FAM184A: variants seen among roughly 807,000 people sequenced by gnomAD.
FAM184A encodes the protein protein FAM184A.
In FAM184A, 99 loss-of-function variants were observed where a neutral mutation model predicts 143.8. The observed-to-expected ratio is 0.69, with a 90% CI of 0.58 to 0.81. The LOEUF (loss-of-function observed/expected upper bound fraction) is 0.81. Ranked by LOEUF, FAM184A falls within the 40% of genes least tolerant of loss-of-function variation. The pLI, the probability that FAM184A is intolerant of heterozygous loss-of-function variation, is 0.00. For missense variants in FAM184A, 1,217 were observed against 1,310.5 expected (o/e 0.93, Z 1.10); for synonymous variants, 427 against 446.4 (o/e 0.96, Z 0.55).
At chr6:119,008,288 C>G (rs1784986818) in intron 6 of FAM184A, among the ~76,000 whole-genome samples, 1 of 152,150 alleles carries the variant, frequency 6.6e-6, no homozygotes, top group South Asian at 2.1e-4. Flanking sequence ...GAAACGTAAA[C>G]CAATAAGGTC....
chr6:119,057,813 T>G (rs1787048215), intron 1 of FAM184A: 1 of 149,052 alleles, frequency 6.7e-6, no homozygotes, highest in African/African-American at 2.5e-5. Flanking sequence ...TAATGACGCA[T>G]ATCACATTAC....
At position 118,994,540 on chromosome 6, in the gene FAM184A, G is replaced by T. The variant is rs150041958; in HGVS notation, c.2088+8359C>A. ...TCTCTACTAAAAATACAAAAAATCA[G>T]CTGGGCATGGTTGCGCGCACCTGTA... On this transcript the variant is annotated intron_variant, in intron 9 of 17. Coordinates refer to ENST00000338891, the MANE Select transcript of FAM184A (RefSeq NM_024581.6). 3.7e-3 allele frequency among the ~76,000 whole-genome samples: 558 copies of T among 151,884 alleles called. 4 individuals are homozygous for T. Among genetic ancestry groups the T allele is most frequent in the African/African-American group, 0.013 (526 of 41,408 alleles).
intron 1 of FAM184A, among the ~76,000 whole-genome samples, chr6:119,059,687 T>A (rs536414948): frequency 6.6e-6 from 1 of 152,330 alleles, no homozygotes; most frequent in African/African-American, 2.4e-5. Context: ...AGCAAAATGC[T>A]GTGCACCCAA....
intron 6 of FAM184A, among the ~76,000 whole-genome samples, chr6:119,008,972 T>A (rs898525108): frequency 1.3e-5 from 2 of 152,204 alleles, no homozygotes; most frequent in Non-Finnish European, 2.9e-5. Flanking sequence ...TTCTTGGTCT[T>A]TATATACTAA....
intron 5 of FAM184A, among the ~76,000 whole-genome samples, chr6:119,015,747 A>G (rs1582507028): frequency 6.6e-6 from 1 of 152,386 alleles, no homozygotes; most frequent in East Asian, 1.9e-4. Flanking sequence ...CTCCACCTGC[A>G]GCCCCGGTGC....
At position 119,136,141 on chromosome 6, in the gene FAM184A, G is replaced by A. The variant is rs1191840757; in HGVS notation, c.-202+12937C>T. On this transcript the variant is annotated intron_variant, in intron 1 of 16. Coordinates refer to the FAM184A transcript ENST00000352896. ...AAAATACAAAAAATTAGCCGGGCGC[G>A]GTGGCGGGCGCCTGTAGTCCCAGCT... Among the ~76,000 whole-genome samples the A allele has an allele frequency of 4.0e-5, 6 of 149,840 alleles. No homozygotes were observed. In the East Asian group the frequency reaches 7.7e-4, roughly 19 times the overall value.
chr6:119,103,752 C>T (rs1003244150), intron 1 of FAM184A, among the ~76,000 whole-genome samples: 1 of 151,858 alleles, frequency 6.6e-6, no homozygotes, highest in African/African-American at 2.4e-5. Context: ...CATGGTGAAA[C>T]CCCATCTCTA....
At chr6:119,140,983 C>T (rs994823721) in intron 1 of FAM184A, among the ~76,000 whole-genome samples, 3 of 152,162 alleles carry the variant, frequency 2.0e-5, no homozygotes, top group Admixed American at 6.5e-5. Flanking sequence ...AGATAAGCCA[C>T]CTGATGTTCT....
chr6:119,069,742 G>A (rs1028827046), intron 1 of FAM184A, among the ~76,000 whole-genome samples: 2 of 151,980 alleles, frequency 1.3e-5, no homozygotes, highest in African/African-American at 4.8e-5. Flanking sequence ...ATATATGAAT[G>A]GTATGATGTA....
At chr6:119,023,748 C>G (rs1785533950) in intron 2 of FAM184A, among the ~76,000 whole-genome samples, 1 of 148,128 alleles carries the variant, frequency 6.8e-6, no homozygotes, top group Non-Finnish European at 1.5e-5. Context: ...ATCTGAAAGT[C>G]TGAAATAACA....
At chr6:118,983,492 G>C (rs1049192815) in intron 9 of FAM184A, among the ~76,000 whole-genome samples, 10 of 152,190 alleles carry the variant, frequency 6.6e-5, no homozygotes, top group Admixed American at 3.9e-4. Flanking sequence ...ACAAGTAGTT[G>C]CTTCAAACTA....
rs1439968984 is a variant in FAM184A at position 119,146,529 on chromosome 6, C to T, written c.-202+2549G>A. On this transcript the variant is annotated intron_variant, in intron 1 of 16. Coordinates refer to the FAM184A transcript ENST00000352896. ...CACTGCAGCCTTGAACTCCTGGGCT[C>T]AAGCGATCCTCCTGCCTCAGCCTTC... 2.6e-5 allele frequency among the ~76,000 whole-genome samples: 4 copies of T among 151,834 alleles called. No homozygotes were observed. In the East Asian group the frequency reaches 7.7e-4, roughly 29 times the overall value.
intron 6 of FAM184A, among the ~76,000 whole-genome samples, chr6:119,010,320 G>A (rs747862040): frequency 9.2e-5 from 14 of 152,110 alleles, no homozygotes; most frequent in Non-Finnish European, 1.6e-4. Context: ...AATCCCTTTC[G>A]AGGAAAATTA....
chr6:118,966,265 C>T (rs1783498118), intron 15 of FAM184A, among the ~76,000 whole-genome samples: 1 of 152,156 alleles, frequency 6.6e-6, no homozygotes, highest in Non-Finnish European at 1.5e-5. Flanking sequence ...TGATAAACTT[C>T]AGAGCCATTA....
At chr6:119,098,553 A>C (rs1413017795) in intron 1 of FAM184A, among the ~76,000 whole-genome samples, 4 of 152,202 alleles carry the variant, frequency 2.6e-5, no homozygotes, top group Non-Finnish European at 4.4e-5. Flanking sequence ...AAATGGTGAG[A>C]TATCTTGAAG....
intron 1 of FAM184A, among the ~76,000 whole-genome samples, chr6:119,040,841 C>T (rs1447341624): frequency 6.6e-6 from 1 of 152,140 alleles, no homozygotes; most frequent in Non-Finnish European, 1.5e-5. Flanking sequence ...GTTAGCACCA[C>T]TTTAGGAGGT....
intron 11 of FAM184A, among the ~76,000 whole-genome samples, chr6:118,979,076 TTTCTGG>T: frequency 6.6e-6 from 1 of 152,188 alleles, no homozygotes; most frequent in Admixed American, 6.5e-5. Flanking sequence ...CAGTGATTGA[TTTCTGG>T]GACACCTCAA....
At chr6:119,101,483 T>G (rs1199991951) in intron 1 of FAM184A, among the ~76,000 whole-genome samples, 1 of 152,266 alleles carries the variant, frequency 6.6e-6, no homozygotes, top group South Asian at 2.1e-4. Context: ...AGTTAAATAT[T>G]CCCCTGTAAG....
intron 1 of FAM184A, among the ~76,000 whole-genome samples, chr6:119,040,979 G>A (rs1359329314): frequency 1.3e-5 from 2 of 152,120 alleles, no homozygotes; most frequent in African/African-American, 4.8e-5. Flanking sequence ...AGCATTTGAG[G>A]GGTTTCCATG....
Sources: allele counts gnomAD v4.1 joint callset (sites outside exome capture counted in the v4.1 genomes callset), GRCh38; gene constraint gnomAD v4.1.1; transcripts MANE v1.5; gene names NCBI Gene and HGNC (gene_info 2026-07-23, HGNC 2026-07-21).